DCBLD1: variants seen among roughly 807,000 people sequenced by gnomAD.
DCBLD1 encodes the protein discoidin, CUB and LCCL domain containing 1.
A neutral mutation model predicts 71.5 loss-of-function variants in DCBLD1; 57 were observed. That is an observed-to-expected ratio of 0.80 (90% CI 0.64 to 0.99). The LOEUF is 0.99. Among genes scored for constraint, DCBLD1 ranks in the 50% least tolerant of loss-of-function variants. The pLI, the probability that DCBLD1 is intolerant of heterozygous loss-of-function variation, is 0.00. For synonymous variants in DCBLD1, 380 were observed against 363.8 expected, an observed-to-expected ratio of 1.04 and a Z score of -0.51; for missense variants, 891 against 923.5, an observed-to-expected ratio of 0.96 and a Z score of 0.46.
At chr6:117,566,045 CA>C (rs930632508) in intron 14 of DCBLD1, among the ~76,000 whole-genome samples, 13 of 152,170 alleles carry the variant, frequency 8.5e-5, no homozygotes, top group Non-Finnish European at 7.4e-5. Flanking sequence ...TATTTTTAAG[CA>C]AAATTGGTAT....
chr6:117,496,010 G>A (rs1254400033), intron 1 of DCBLD1, among the ~76,000 whole-genome samples: 2 of 152,092 alleles, frequency 1.3e-5, no homozygotes, highest in African/African-American at 4.8e-5. Context: ...GACACTTTTA[G>A]CTGATAGGAA....
intron 1 of DCBLD1, among the ~76,000 whole-genome samples, chr6:117,493,602 C>T (rs1207830198): frequency 6.6e-6 from 1 of 152,192 alleles, no homozygotes; most frequent in Non-Finnish European, 1.5e-5. Flanking sequence ...AGTTATGCTG[C>T]TCAGCAGTAA....
At chr6:117,485,888 A>G (rs1219092937) in intron 1 of DCBLD1, among the ~76,000 whole-genome samples, 1 of 152,238 alleles carries the variant, frequency 6.6e-6, no homozygotes, top group East Asian at 1.9e-4. Context: ...GAAAGAAGGG[A>G]ACATGCCAGC....
At chr6:117,563,940 G>A (rs1176181408) in intron 14 of DCBLD1, among the ~76,000 whole-genome samples, 1 of 148,148 alleles carries the variant, frequency 6.8e-6, no homozygotes, top group African/African-American at 2.5e-5. Flanking sequence ...TGTAAAAATT[G>A]TATTAAGTTT....
At chr6:117,535,097 G>T (rs191644214) in intron 6 of DCBLD1, among the ~76,000 whole-genome samples, 2 of 152,148 alleles carry the variant, frequency 1.3e-5, no homozygotes, top group African/African-American at 4.8e-5. Context: ...CTGTACATGC[G>T]GTCATTGAAC....
chr6:117,561,028 T>A, intron 14 of DCBLD1: 1 of 219,340 alleles, frequency 4.6e-6, no homozygotes, highest in Non-Finnish European at 9.2e-6. Flanking sequence ...AACTTTTAAC[T>A]AGTTACTTTC....
intron 6 of DCBLD1, 86 bp from the exon 7 acceptor site, chr6:117,537,099 T>C (rs1460522791): frequency 3.6e-6 from 5 of 1,387,250 alleles, no homozygotes; most frequent in Admixed American, 1.7e-5. Flanking sequence ...GGTGGGAAAG[T>C]TCTGTGAGCC....
At chr6:117,487,659 G>A (rs1236608792) in intron 1 of DCBLD1, among the ~76,000 whole-genome samples, 1 of 152,010 alleles carries the variant, frequency 6.6e-6, no homozygotes, top group Non-Finnish European at 1.5e-5. Context: ...ACCTGGACAC[G>A]GCAAAGTAAT....
chr6:117,548,831 A>T lies in DCBLD1; in HGVS notation c.*392A>T. The T allele has an allele frequency of 9.5e-7, 1 of 1,055,462 alleles. No individual in the cohort carries two copies. 65.4% of individuals were successfully genotyped at this position (1,055,462 alleles called of 1,614,324 possible). ...GTTCTGCACAGAGGTTAAGTGGGAA[A>T]ATGCAGCTGTTGCAAAATGTATATA... On this transcript the variant is annotated 3_prime_UTR_variant, in exon 15 of 15. Coordinates refer to ENST00000338728, the MANE Select transcript of DCBLD1 (RefSeq NM_001366458.2).
At chr6:117,507,812 T>C (rs983660655) in intron 2 of DCBLD1, among the ~76,000 whole-genome samples, 9 of 152,212 alleles carry the variant, frequency 5.9e-5, no homozygotes, top group African/African-American at 2.2e-4. Context: ...TCAGATTATA[T>C]ATTCTGGGCA....
chr6:117,565,985 CTCAAAGG>C (rs940513849), intron 14 of DCBLD1, among the ~76,000 whole-genome samples: 28 of 152,100 alleles, frequency 1.8e-4, no homozygotes, highest in African/African-American at 6.8e-4. Flanking sequence ...AAGACAGGTA[CTCAAAGG>C]TCAATATTTA....
intron 1 of DCBLD1, among the ~76,000 whole-genome samples, chr6:117,490,195 A>G (rs1777244072): frequency 6.6e-6 from 1 of 152,236 alleles, no homozygotes; most frequent in Non-Finnish European, 1.5e-5. Context: ...TAGACACAAA[A>G]TTATAGACTA....
rs2114578408 is a variant in DCBLD1 at position 117,548,311 on chromosome 6, C to T, written c.2020C>T (p.Leu674Phe). 1.9e-6 allele frequency: 3 copies of T among 1,550,684 alleles called. No individual in the cohort carries two copies. Among genetic ancestry groups the T allele is most frequent in the Admixed American group, 2.0e-5 (1 of 51,012 alleles). ...CGACCGGCCCAAAGCTGTCAGCGCC[C>T]TCGCCACCGAAAGCGGGCACCCTGA... is the stretch of plus-strand genomic sequence containing the variant. Reference protein sequence around the residue: ...GYDRPKAVSALATESGHPDSQ... With the variant: ...GYDRPKAVSAFATESGHPDSQ... The change falls in exon 15 of 15, where the codon CTC becomes TTC. Residue 674 changes from leucine (L) to phenylalanine (F), a missense_variant. Coordinates refer to ENST00000338728, the MANE Select transcript of DCBLD1 (RefSeq NM_001366458.2).
At position 117,548,780 on chromosome 6, in the gene DCBLD1, A is replaced by T. The variant is rs1298237244; in HGVS notation, c.*341A>T. ...GTTGTATTTAACAATAATAAAAGTAACTTAAGTTTGCTCTATCAGATTTTA... is the reference window on the plus strand; with the variant it reads ...GTTGTATTTAACAATAATAAAAGTATCTTAAGTTTGCTCTATCAGATTTTA... On this transcript the variant is annotated 3_prime_UTR_variant, in exon 15 of 15. Coordinates refer to ENST00000338728, the MANE Select transcript of DCBLD1 (RefSeq NM_001366458.2). The T allele has an allele frequency of 8.8e-7, 1 of 1,130,232 alleles. No homozygotes were observed. The highest frequency in any genetic ancestry group is 1.1e-6 in the Non-Finnish European group (1 of 921,968). 70.0% of individuals were successfully genotyped at this position (1,130,232 alleles called of 1,614,324 possible). A position where few individuals can be genotyped will look rare whatever the true frequency, so the allele number is the denominator to read the frequency against.
chr6:117,521,742 C>A (rs1778394242), intron 4 of DCBLD1, among the ~76,000 whole-genome samples, 166 bp downstream of exon 4: 1 of 152,152 alleles, frequency 6.6e-6, no homozygotes, highest in South Asian at 2.1e-4. Flanking sequence ...AGTCAGCAAA[C>A]CTTTTCTGTC....
Position 117,515,874 on chromosome 6 carries a change from T to A in DCBLD1, c.326-3942T>A, listed in dbSNP as rs189860061. 3.9e-5 allele frequency among the ~76,000 whole-genome samples: 6 copies of A among 152,276 alleles called. No homozygotes were observed. In the East Asian group the frequency reaches 1.2e-3, roughly 29 times the overall value. Reference sequence around the variant, plus strand: ...GAGCATTTCAATTCAATTCAAACTGTTTGTGGGAGGCTGTCACCTGCCAGG... The same window carrying A: ...GAGCATTTCAATTCAATTCAAACTGATTGTGGGAGGCTGTCACCTGCCAGG... On this transcript the variant is annotated intron_variant, in intron 2 of 14. Transcript: ENST00000338728.
intron 14 of DCBLD1, among the ~76,000 whole-genome samples, chr6:117,558,981 G>A (rs745315034): frequency 6.6e-6 from 1 of 152,174 alleles, no homozygotes; most frequent in Non-Finnish European, 1.5e-5. Flanking sequence ...CAGACCTAAA[G>A]ACAACAGGTT....
rs189876569 is a variant in DCBLD1, at chr6:117,520,178, G to C, written c.460+228G>C. On this transcript the variant is annotated intron_variant, in intron 3 of 14. Transcript: ENST00000338728. Reference sequence around the variant, plus strand: ...CCTGGGCCACATTAGAAGAAGAATTGTCTTGGGGCCACACATAAAATACAC... The same window carrying C: ...CCTGGGCCACATTAGAAGAAGAATTCTCTTGGGGCCACACATAAAATACAC... Among the ~76,000 whole-genome samples the C allele has an allele frequency of 2.4e-3, 365 of 152,270 alleles. 7 individuals are homozygous for C. The highest frequency in any genetic ancestry group is 0.021 in the Admixed American group (323 of 15,296).
chr6:117,566,631 A>C (rs183730607), intron 14 of DCBLD1, among the ~76,000 whole-genome samples: 127 of 152,286 alleles, frequency 8.3e-4, no homozygotes, highest in South Asian at 1.9e-3. Flanking sequence ...CAGTAGAGTA[A>C]CTGGTAATGT....
Sources: gnomAD v4.1 joint callset for allele counts (sites outside exome capture counted in the v4.1 genomes callset) on GRCh38, gnomAD v4.1.1 for gene constraint, MANE v1.5 for transcripts, NCBI Gene and HGNC (gene_info 2026-07-23, HGNC 2026-07-21) for gene names.